Variants in EXOC6B observed in about 807,000 individuals in gnomAD.
The protein encoded by EXOC6B is exocyst complex component 6B.
Under a neutral mutation model 113.5 loss-of-function variants are expected in EXOC6B, and 54 were observed. That is an observed-to-expected ratio of 0.48 (90% CI 0.38 to 0.60). The LOEUF is 0.60. Among genes scored for constraint, EXOC6B ranks in the 20% least tolerant of loss-of-function variants. The pLI, the probability that EXOC6B is intolerant of heterozygous loss-of-function variation, is 0.00. For missense variants in EXOC6B, 797 were observed against 977.5 expected, an observed-to-expected ratio of 0.82 and a Z score of 2.46; for synonymous variants, 357 against 339.0, an observed-to-expected ratio of 1.05 and a Z score of -0.58.
chr2:72,659,916 T>C (rs750819347), intron 6 of EXOC6B, among the ~76,000 whole-genome samples: 14 of 152,160 alleles, frequency 9.2e-5, no homozygotes, highest in Non-Finnish European at 1.6e-4. Context: ...GTATTTGTAA[T>C]GTTAGACTCT....
chr2:72,647,861 TA>T (rs1254458243), intron 6 of EXOC6B, among the ~76,000 whole-genome samples: 5 of 152,178 alleles, frequency 3.3e-5, no homozygotes, highest in African/African-American at 1.2e-4. Context: ...ATTCAGGACG[TA>T]GGCATGGATA....
At chr2:72,263,432 A>G (rs1683860274) in intron 20 of EXOC6B, 1 of 152,248 alleles carries the variant, frequency 6.6e-6, no homozygotes, top group Admixed American at 6.5e-5. Flanking sequence ...GGCAAGCCAC[A>G]TTGTCCTTCC....
At chr2:72,343,421 T>C (rs147584089) in intron 19 of EXOC6B, among the ~76,000 whole-genome samples, 86 of 152,298 alleles carry the variant, frequency 5.6e-4, no homozygotes, top group Non-Finnish European at 6.3e-4. Flanking sequence ...AGTGAGACTG[T>C]GTCAAAACAA....
At chr2:72,249,647 G>C (rs1682884339) in intron 20 of EXOC6B, among the ~76,000 whole-genome samples, 1 of 152,116 alleles carries the variant, frequency 6.6e-6, no homozygotes, top group Non-Finnish European at 1.5e-5. Context: ...TCTTCCAAGT[G>C]GGTACTTCTA....
intron 6 of EXOC6B, among the ~76,000 whole-genome samples, chr2:72,601,342 C>A (rs1404578033): frequency 1.3e-5 from 2 of 151,942 alleles, no homozygotes; most frequent in African/African-American, 4.8e-5. Flanking sequence ...ACCACCATGC[C>A]CAGCTAATTT....
intron 14 of EXOC6B, among the ~76,000 whole-genome samples, chr2:72,496,086 C>T (rs908080412): frequency 3.5e-4 from 53 of 151,946 alleles, no homozygotes; most frequent in African/African-American, 1.3e-3. Context: ...CAGAATTGTA[C>T]ACCACAAAGT....
At position 72,673,055 on chromosome 2, in the gene EXOC6B, TATA is replaced by T. The variant is rs1320089261; in HGVS notation, c.669+45045_669+45047del. 3.9e-5 allele frequency among the ~76,000 whole-genome samples: 6 copies of T among 152,268 alleles called. No homozygotes were observed. The East Asian group carries it at 1.2e-3, about 29-fold the overall frequency. Reference sequence around the variant, plus strand: ...CACATATACCCTGAAAATATGTGCATATAATATGTATCAATAAAAAAGAAAATA... The same window carrying T: ...CACATATACCCTGAAAATATGTGCATATATGTATCAATAAAAAAGAAAATA... On this transcript the variant is annotated intron_variant, in intron 6 of 21. Coordinates refer to ENST00000272427, the MANE Select transcript of EXOC6B (RefSeq NM_015189.3).
intron 6 of EXOC6B, among the ~76,000 whole-genome samples, chr2:72,629,813 T>C (rs973433416): frequency 3.3e-5 from 5 of 152,202 alleles, no homozygotes; most frequent in Non-Finnish European, 7.4e-5. Context: ...CCATCCACTT[T>C]TGCCTTCAGG....
At chr2:72,305,760 A>G (rs1686814991) in intron 20 of EXOC6B, among the ~76,000 whole-genome samples, 1 of 138,426 alleles carries the variant, frequency 7.2e-6, no homozygotes, top group African/African-American at 3.4e-5. Context: ...GCTCTAATAA[A>G]CAAAAAATTT....
chr2:72,465,599 T>C (rs564896528), intron 17 of EXOC6B, among the ~76,000 whole-genome samples: 5 of 152,310 alleles, frequency 3.3e-5, no homozygotes, highest in African/African-American at 1.2e-4. Flanking sequence ...CATACCTATA[T>C]AAAAGATTAT....
chr2:72,202,114 T>C (rs988640723), intron 20 of EXOC6B, among the ~76,000 whole-genome samples: 1 of 152,198 alleles, frequency 6.6e-6, no homozygotes, highest in Non-Finnish European at 1.5e-5. Flanking sequence ...TGATCCAACA[T>C]TAGATCTATG....
chr2:72,222,259 G>A (rs892391175), intron 20 of EXOC6B, among the ~76,000 whole-genome samples: 12 of 152,188 alleles, frequency 7.9e-5, no homozygotes, highest in Non-Finnish European at 1.6e-4. Flanking sequence ...ACTGCTCTAG[G>A]AAAATGCAAT....
intron 1 of EXOC6B, among the ~76,000 whole-genome samples, chr2:72,786,445 G>A (rs1684381826): frequency 6.6e-6 from 1 of 152,150 alleles, no homozygotes; most frequent in South Asian, 2.1e-4. Context: ...AACTATCAGA[G>A]GTGACTAATG....
rs555639340 is a variant in EXOC6B at position 72,782,580 on chromosome 2, T to C, written c.114-41111A>G. Among the ~76,000 whole-genome samples, 9 of 152,236 alleles carry C rather than the reference T, an allele frequency of 5.9e-5. No individual in the cohort carries two copies. In the South Asian group the frequency reaches 1.2e-3, roughly 21 times the overall value. On this transcript the variant is annotated intron_variant, in intron 1 of 21. Coordinates refer to ENST00000272427, the MANE Select transcript of EXOC6B (RefSeq NM_015189.3). The stretch of plus-strand genomic sequence containing the variant: ...CTATTTTGAAACAGACAAAACACAA[T>C]TGTTAACTATAATCACCCTACTCTG...
At chr2:72,506,074 T>C (rs1376745906) in intron 11 of EXOC6B, among the ~76,000 whole-genome samples, 1 of 152,118 alleles carries the variant, frequency 6.6e-6, no homozygotes, top group African/African-American at 2.4e-5. Context: ...ATAAGTCTGA[T>C]CTATATTTAT....
intron 1 of EXOC6B, 89 bp from the exon 2 acceptor site, chr2:72,741,558 C>T (rs1681327818): frequency 1.7e-6 from 2 of 1,150,310 alleles, no homozygotes; most frequent in East Asian, 4.8e-5. Flanking sequence ...ATTTAGGGCA[C>T]ATAAGCCACA....
At chr2:72,321,283 G>A (rs1044465185) in intron 20 of EXOC6B, among the ~76,000 whole-genome samples, 2 of 151,986 alleles carry the variant, frequency 1.3e-5, no homozygotes, top group African/African-American at 2.4e-5. Flanking sequence ...CTTTATTCAC[G>A]ATAAACTTTG....
intron 6 of EXOC6B, among the ~76,000 whole-genome samples, chr2:72,644,897 C>G (rs1673575658): frequency 6.6e-6 from 1 of 152,066 alleles, no homozygotes; most frequent in African/African-American, 2.4e-5. Context: ...GCAAAATAAC[C>G]AGCTAACATC....
At chr2:72,563,994 A>G (rs1191001636) in intron 7 of EXOC6B, among the ~76,000 whole-genome samples, 3 of 152,244 alleles carry the variant, frequency 2.0e-5, no homozygotes, top group South Asian at 2.1e-4. Context: ...ATTTTAAAAG[A>G]CTCACTAGTG....
Sources: allele counts gnomAD v4.1 joint callset (sites outside exome capture counted in the v4.1 genomes callset), GRCh38; gene constraint gnomAD v4.1.1; transcripts MANE v1.5; gene names NCBI Gene and HGNC (gene_info 2026-07-23, HGNC 2026-07-21).